EYS: variants seen among roughly 807,000 people sequenced by gnomAD.
EYS encodes the protein EGF-like photoreceptor maintenance factor, also known as protein eyes shut homolog.
EYS carries 250 observed loss-of-function variants against 282.1 expected under a neutral mutation model. The observed-to-expected ratio is 0.89, with a 90% CI of 0.80 to 0.98. EYS has a LOEUF of 0.98. EYS is among the 50% of genes least tolerant of loss of function. EYS has a pLI of 0.00. For synonymous variants in EYS, 1,355 were observed against 1,282.9 expected (o/e 1.06, Z -1.20); for missense variants, 4,016 against 3,709.0 (o/e 1.08, Z -2.15).
chr6:64,066,243 G>A (rs932697077), intron 33 of EYS, 95 bp downstream of exon 33: 34 of 1,091,098 alleles, frequency 3.1e-5, no homozygotes, highest in Middle Eastern at 2.7e-4. Flanking sequence ...ACACCACTGC[G>A]CTCCAGACTG....
At chr6:64,558,304 G>T (rs938592924) in intron 26 of EYS, among the ~76,000 whole-genome samples, 4 of 151,810 alleles carry the variant, frequency 2.6e-5, no homozygotes, top group Non-Finnish European at 5.9e-5. Flanking sequence ...TTTTCAGTCA[G>T]GGGAAATTTG....
intron 8 of EYS, among the ~76,000 whole-genome samples, chr6:65,366,722 G>A (rs1046702376): frequency 3.3e-5 from 5 of 151,508 alleles, no homozygotes; most frequent in Non-Finnish European, 5.9e-5. Flanking sequence ...TCCGGAGGTC[G>A]GAAATCTGGA....
chr6:64,324,569 A>G (rs1770337408), intron 29 of EYS, among the ~76,000 whole-genome samples: 1 of 152,182 alleles, frequency 6.6e-6, no homozygotes, highest in Non-Finnish European at 1.5e-5. Flanking sequence ...TAAAAAGACA[A>G]GGATGCCCCT....
intron 5 of EYS, among the ~76,000 whole-genome samples, chr6:65,453,639 T>A (rs2150403698): frequency 6.6e-6 from 1 of 152,104 alleles, no homozygotes; most frequent in East Asian, 1.9e-4. Context: ...TTCTATCTAA[T>A]TGTATCTATT....
intron 33 of EYS, among the ~76,000 whole-genome samples, chr6:64,035,193 A>G (rs778833322): frequency 6.6e-5 from 10 of 152,230 alleles, no homozygotes; most frequent in Non-Finnish European, 1.3e-4. Flanking sequence ...TATTTTAATT[A>G]CAGAGACAGT....
chr6:65,344,337 C>T, intron 9 of EYS, among the ~76,000 whole-genome samples, 160 bp from the exon 10 acceptor site: 1 of 151,490 alleles, frequency 6.6e-6, no homozygotes, highest in East Asian at 1.9e-4. Flanking sequence ...TTGAAGAAGA[C>T]CTCAAAGCCC....
intron 12 of EYS, among the ~76,000 whole-genome samples, chr6:65,130,828 C>G (rs990298643): frequency 2.7e-5 from 4 of 150,194 alleles, no homozygotes; most frequent in Non-Finnish European, 4.4e-5. Context: ...AAGTACATCC[C>G]CATAAAGACT....
At chr6:65,425,305 A>T (rs763521) in intron 5 of EYS, among the ~76,000 whole-genome samples, 29,223 of 152,048 alleles carry the variant, frequency 0.19, 2,975 homozygotes, top group South Asian at 0.35. Context: ...AAATAGATAT[A>T]GTAAACGTGC....
At chr6:64,341,147 TGGA>T (rs898173731) in intron 29 of EYS, among the ~76,000 whole-genome samples, 1 of 151,740 alleles carries the variant, frequency 6.6e-6, no homozygotes, top group Non-Finnish European at 1.5e-5. Flanking sequence ...CAAAGAAGTT[TGGA>T]GATTTCTCAG....
chr6:65,518,496 T>C (rs979072796), intron 2 of EYS, among the ~76,000 whole-genome samples: 1 of 152,174 alleles, frequency 6.6e-6, no homozygotes, highest in African/African-American at 2.4e-5. Flanking sequence ...TTTTGAAATA[T>C]GTCTGTTCTA....
intron 16 of EYS, among the ~76,000 whole-genome samples, chr6:64,909,665 A>T (rs542053178): frequency 6.6e-6 from 1 of 152,224 alleles, no homozygotes; most frequent in African/African-American, 2.4e-5. Context: ...CCCTTTATTT[A>T]TCTCACAAAG....
At chr6:64,309,961 GAA>G (rs11359232) in intron 29 of EYS, among the ~76,000 whole-genome samples, 1,738 of 132,526 alleles carry the variant, frequency 0.013, 17 homozygotes, top group African/African-American at 0.037. Context: ...AAGACTCCAT[GAA>G]AAAAAAAAAA....
intron 26 of EYS, among the ~76,000 whole-genome samples, chr6:64,499,003 T>C (rs1776964962): frequency 6.6e-6 from 1 of 152,148 alleles, no homozygotes; most frequent in Non-Finnish European, 1.5e-5. Context: ...GGCGAAATGG[T>C]ATTTCTGGTT....
chr6:63,950,206 A>C (rs1047711962), intron 35 of EYS, among the ~76,000 whole-genome samples: 19 of 151,660 alleles, frequency 1.3e-4, no homozygotes, highest in Non-Finnish European at 1.8e-4. Flanking sequence ...AAAAAAAAAA[A>C]CAAAAAAAAC....
At chr6:65,286,729 G>C (rs1165958189) in intron 12 of EYS, among the ~76,000 whole-genome samples, 1 of 151,636 alleles carries the variant, frequency 6.6e-6, no homozygotes, top group Non-Finnish European at 1.5e-5. Flanking sequence ...ATGCCACTTA[G>C]TTATGCTGTG....
At chr6:64,172,434 C>A (rs968753529) in intron 31 of EYS, among the ~76,000 whole-genome samples, 3 of 152,100 alleles carry the variant, frequency 2.0e-5, no homozygotes, top group Admixed American at 6.5e-5. Flanking sequence ...ATGAGTTTGA[C>A]AATTTTAGTT....
chr6:64,524,961 C>T (rs992440533), intron 26 of EYS, among the ~76,000 whole-genome samples: 5 of 151,742 alleles, frequency 3.3e-5, no homozygotes, highest in Non-Finnish European at 5.9e-5. Flanking sequence ...AAGTGCATAT[C>T]AAAACCACTA....
intron 7 of EYS, among the ~76,000 whole-genome samples, chr6:65,385,137 T>A (rs1290910386): frequency 6.6e-6 from 1 of 151,936 alleles, no homozygotes; most frequent in East Asian, 1.9e-4. Context: ...CCTTAAATCA[T>A]ATTTAGTAAA....
chr6:64,785,205 T>C (rs1373692050), intron 22 of EYS, among the ~76,000 whole-genome samples: 1 of 152,236 alleles, frequency 6.6e-6, no homozygotes, highest in Non-Finnish European at 1.5e-5. Flanking sequence ...ATATACAATC[T>C]ATCTTTAATT....
Sources: allele counts gnomAD v4.1 joint callset (sites outside exome capture counted in the v4.1 genomes callset), GRCh38; gene constraint gnomAD v4.1.1; transcripts MANE v1.5; gene names NCBI Gene and HGNC (gene_info 2026-07-23, HGNC 2026-07-21).